Variants in CDYL observed in about 807,000 individuals in gnomAD.
The protein encoded by CDYL is chromodomain Y-like protein.
In CDYL, 8 loss-of-function variants were observed where a neutral mutation model predicts 47.3. That is an observed-to-expected ratio of 0.17 (90% CI 0.10 to 0.31). CDYL has a LOEUF of 0.31. Among genes scored for constraint, CDYL ranks in the 10% least tolerant of loss-of-function variants. The pLI, the probability that CDYL is intolerant of heterozygous loss-of-function variation, is 1.00. For missense variants in CDYL, 471 were observed against 701.4 expected (o/e 0.67, Z 3.71); for synonymous variants, 266 against 265.0 (o/e 1.00, Z -0.04).
intron 1 of CDYL, among the ~76,000 whole-genome samples, chr6:4,826,380 C>T (rs1759982619): frequency 1.3e-5 from 2 of 151,950 alleles, no homozygotes; most frequent in Admixed American, 1.3e-4. Context: ...TTATTTTCAT[C>T]CTTCTGGTAC....
chr6:4,753,196 C>T (rs562775801), intron 3 of CDYL, among the ~76,000 whole-genome samples: 1 of 152,216 alleles, frequency 6.6e-6, no homozygotes, highest in African/African-American at 2.4e-5. Flanking sequence ...AAAGCATGAG[C>T]CACGGTGCCT....
intron 1 of CDYL, chr6:4,715,618 G>A: frequency 1.1e-6 from 1 of 904,754 alleles, no homozygotes; most frequent in Non-Finnish European, 1.6e-6. Flanking sequence ...CTCTGCACAA[G>A]CACAAAATGC....
chr6:4,827,537 A>AT lies in CDYL; in HGVS notation c.24+50731dup, dbSNP rs1434785518. ...GTTGTTTAAGTCAATATCAGCTTCA[A>AT]TAGCATACAAATGTCTGTCTATACA... On this transcript the variant is annotated intron_variant, in intron 1 of 6. Transcript: ENST00000397588. 3.9e-5 allele frequency among the ~76,000 whole-genome samples: 6 copies of AT among 152,372 alleles called. No individual in the cohort carries two copies. In the South Asian group the frequency reaches 1.2e-3, roughly 32 times the overall value.
At chr6:4,878,820 TTC>T (rs1425427743) in intron 1 of CDYL, among the ~76,000 whole-genome samples, 1 of 152,164 alleles carries the variant, frequency 6.6e-6, no homozygotes, top group East Asian at 1.9e-4. Flanking sequence ...CAGTTTATTT[TTC>T]TGTTTTTTTC....
chr6:4,714,110 G>C (rs934268237), intron 1 of CDYL: 13 of 151,992 alleles, frequency 8.6e-5, no homozygotes, highest in African/African-American at 3.1e-4. Flanking sequence ...GGAGAGTTAG[G>C]TCATTTATTC....
chr6:4,889,733 C>G (rs1761989763), intron 1 of CDYL, among the ~76,000 whole-genome samples: 1 of 152,140 alleles, frequency 6.6e-6, no homozygotes, highest in Admixed American at 6.5e-5. Flanking sequence ...ACCCATAAGC[C>G]TAAAACATTT....
At chr6:4,829,802 T>C (rs11967926) in intron 1 of CDYL, among the ~76,000 whole-genome samples, 1 of 152,196 alleles carries the variant, frequency 6.6e-6, no homozygotes, top group Non-Finnish European at 1.5e-5. Context: ...CCTACACAAT[T>C]ATTTGTGAAT....
rs148169707 is a variant in CDYL, at chr6:4,730,354, C to T, written c.104-4408C>T. On this transcript the variant is annotated intron_variant, in intron 2 of 8. Transcript: ENST00000328908. ...TTGTTCATGAGCTAAGCTGAGTTCTCCTACAGAAGCAGAGTGAAGAGTCAA... is the reference window on the plus strand; with the variant it reads ...TTGTTCATGAGCTAAGCTGAGTTCTTCTACAGAAGCAGAGTGAAGAGTCAA... 4.2e-3 allele frequency among the ~76,000 whole-genome samples: 637 copies of T among 152,210 alleles called. 5 individuals are homozygous for T. Among genetic ancestry groups the T allele is most frequent in the African/African-American group, 0.015 (610 of 41,524 alleles).
chr6:4,757,802 C>A (rs188875502), intron 3 of CDYL, among the ~76,000 whole-genome samples: 1 of 151,080 alleles, frequency 6.6e-6, no homozygotes, highest in Non-Finnish European at 1.5e-5. Context: ...TGTGGGAGGC[C>A]GAGGCAGGAG....
chr6:4,838,191 G>A (rs1258198374), intron 1 of CDYL, among the ~76,000 whole-genome samples: 1 of 152,056 alleles, frequency 6.6e-6, no homozygotes, highest in African/African-American at 2.4e-5. Flanking sequence ...TTTGGGAACA[G>A]GTGGTGTTTG....
intron 1 of CDYL, among the ~76,000 whole-genome samples, chr6:4,865,742 C>T (rs1761302242): frequency 6.6e-6 from 1 of 152,146 alleles, no homozygotes; most frequent in African/African-American, 2.4e-5. Context: ...ATGTATAGTT[C>T]TCCATGAAGA....
intron 2 of CDYL, among the ~76,000 whole-genome samples, chr6:4,725,074 A>G (rs1305509117): frequency 1.3e-5 from 2 of 152,144 alleles, no homozygotes; most frequent in Non-Finnish European, 2.9e-5. Context: ...TCCCCGCTAG[A>G]TTAGCTAGAC....
At chr6:4,895,140 T>C (rs1762188170) in intron 2 of CDYL, among the ~76,000 whole-genome samples, 1 of 46,822 alleles carries the variant, frequency 2.1e-5, no homozygotes, top group South Asian at 1.8e-3. Context: ...CATGTGTGTA[T>C]ATGTATCTAT....
At chr6:4,783,139 A>G (rs1480584266) in intron 1 of CDYL, among the ~76,000 whole-genome samples, 2 of 142,718 alleles carry the variant, frequency 1.4e-5, no homozygotes, top group East Asian at 1.9e-4. Context: ...AGTTTCTTCA[A>G]TCAGATCGTC....
intron 2 of CDYL, among the ~76,000 whole-genome samples, chr6:4,723,716 A>AGCAGGG (rs1757420190): frequency 6.6e-6 from 1 of 152,182 alleles, no homozygotes; most frequent in African/African-American, 2.4e-5. Context: ...CAAGCCACAG[A>AGCAGGG]GCAGGGCAGA....
At chr6:4,787,633 G>C (rs954107433) in intron 1 of CDYL, among the ~76,000 whole-genome samples, 1 of 152,124 alleles carries the variant, frequency 6.6e-6, no homozygotes, top group Non-Finnish European at 1.5e-5. Context: ...CAACAGAAAA[G>C]AAATCGTGGG....
chr6:4,771,236 C>T (rs1279088952), intron 3 of CDYL, among the ~76,000 whole-genome samples: 1 of 152,012 alleles, frequency 6.6e-6, no homozygotes, highest in Non-Finnish European at 1.5e-5. Flanking sequence ...GCCTCAGCCT[C>T]CCGAGTGGCT....
chr6:4,864,085 T>C (rs1761251391), intron 1 of CDYL, among the ~76,000 whole-genome samples: 1 of 152,196 alleles, frequency 6.6e-6, no homozygotes, highest in African/African-American at 2.4e-5. Flanking sequence ...ATTTCCACAG[T>C]AATCATAGAA....
chr6:4,938,458 C>T (rs6914821), intron 4 of CDYL, among the ~76,000 whole-genome samples: 93,416 of 151,970 alleles, frequency 0.61, 29,086 homozygotes, highest in East Asian at 0.76. Flanking sequence ...TACTTTTAAA[C>T]TCAGAAGTAA....
Sources: allele counts gnomAD v4.1 joint callset (sites outside exome capture counted in the v4.1 genomes callset), GRCh38; gene constraint gnomAD v4.1.1; transcripts MANE v1.5; gene names NCBI Gene and HGNC (gene_info 2026-07-23, HGNC 2026-07-21).